The following MTSS1 variants were observed in gnomAD, a reference collection of about 807,000 sequenced individuals.
The protein encoded by MTSS1 is MTSS I-BAR domain containing 1.
In MTSS1, 18 loss-of-function variants were observed where a neutral mutation model predicts 79.0. The ratio of observed to expected loss-of-function variants is 0.23; its 90% CI spans 0.16 to 0.34. The LOEUF is 0.34. Ranked by LOEUF, MTSS1 falls within the 10% of genes least tolerant of loss-of-function variation. MTSS1 has a pLI of 1.00. For missense variants in MTSS1, 815 were observed against 986.2 expected (o/e 0.83, Z 2.33); for synonymous variants, 341 against 368.6 (o/e 0.93, Z 0.86).
At chr8:124,661,433 AT>A (rs1370069967) in intron 3 of MTSS1, among the ~76,000 whole-genome samples, 3 of 152,026 alleles carry the variant, frequency 2.0e-5, no homozygotes, top group African/African-American at 7.3e-5. Flanking sequence ...TGTTTTTCTG[AT>A]GAAAACATGA....
intron 10 of MTSS1, chr8:124,558,658 C>T (rs1824557977): frequency 1.4e-6 from 2 of 1,475,878 alleles, no homozygotes; most frequent in South Asian, 1.3e-5. Flanking sequence ...GTCTGAGCAG[C>T]AGGCAGGGGG....
At chr8:124,625,152 C>T (rs749047488) in intron 3 of MTSS1, among the ~76,000 whole-genome samples, 56 of 152,248 alleles carry the variant, frequency 3.7e-4, no homozygotes, top group Non-Finnish European at 5.9e-5. Context: ...TTGTCATCCT[C>T]GTCTGCCAGG....
chr8:124,677,933 T>C (rs1162403944), intron 3 of MTSS1, among the ~76,000 whole-genome samples: 1 of 152,214 alleles, frequency 6.6e-6, no homozygotes, highest in Non-Finnish European at 1.5e-5. Flanking sequence ...GCATAGTTAC[T>C]CCTATTTTCT....
At chr8:124,672,059 G>A (rs1242552410) in intron 3 of MTSS1, among the ~76,000 whole-genome samples, 2 of 152,206 alleles carry the variant, frequency 1.3e-5, no homozygotes, top group African/African-American at 4.8e-5. Context: ...ATATCAGTTG[G>A]AATGCAGCTT....
At chr8:124,558,799 C>G in intron 10 of MTSS1, 1 of 1,573,706 alleles carries the variant, frequency 6.4e-7, no homozygotes, top group Non-Finnish European at 8.6e-7. Flanking sequence ...TGGCAGGTTT[C>G]CGAGGCTTCG....
chr8:124,644,103 T>C (rs1055226287), intron 3 of MTSS1, among the ~76,000 whole-genome samples: 6 of 152,170 alleles, frequency 3.9e-5, no homozygotes, highest in Admixed American at 3.3e-4. Context: ...TGAGTTACAT[T>C]AAGCCTGTGG....
intron 3 of MTSS1, among the ~76,000 whole-genome samples, chr8:124,661,460 T>A (rs1822015163): frequency 6.6e-6 from 1 of 152,146 alleles, no homozygotes; most frequent in South Asian, 2.1e-4. Flanking sequence ...GCACTAGCTC[T>A]TAGAAACAGA....
intron 3 of MTSS1, among the ~76,000 whole-genome samples, chr8:124,676,517 C>G (rs1825316475): frequency 6.6e-6 from 1 of 152,204 alleles, no homozygotes; most frequent in Non-Finnish European, 1.5e-5. Context: ...ACCTGGCCAG[C>G]CTTCTGCTGC....
intron 3 of MTSS1, among the ~76,000 whole-genome samples, chr8:124,640,282 G>A (rs1388907076): frequency 1.3e-5 from 2 of 152,156 alleles, no homozygotes; most frequent in Non-Finnish European, 2.9e-5. Context: ...ATGGTTGTTC[G>A]ATTATTTTAA....
intron 5 of MTSS1, 94 bp downstream of exon 5, chr8:124,589,526 C>G: frequency 2.1e-6 from 2 of 953,414 alleles, no homozygotes; most frequent in Non-Finnish European, 3.2e-6. Flanking sequence ...TTTGGTGACA[C>G]CAATAAACCT....
intron 3 of MTSS1, among the ~76,000 whole-genome samples, chr8:124,605,158 G>A (rs1299996192): frequency 2.0e-5 from 3 of 152,126 alleles, no homozygotes; most frequent in African/African-American, 4.8e-5. Flanking sequence ...CTGTCTCCCC[G>A]ACATCTGCCA....
At position 124,634,059 on chromosome 8, in the gene MTSS1, C is replaced by T. The variant is rs561065183; in HGVS notation, c.209-42824G>A. ...CCACTCTAGGTGGCTTCCTTTGAGA[C>T]CAGTAGGAAGGATAAAATATAGACC... On this transcript the variant is annotated intron_variant, in intron 3 of 13. Transcript: ENST00000518547. Among the ~76,000 whole-genome samples the T allele has an allele frequency of 4.6e-5, 7 of 151,778 alleles. No homozygotes were observed. In the East Asian group the frequency reaches 1.2e-3, roughly 25 times the overall value.
chr8:124,675,450 C>T (rs980966716), intron 3 of MTSS1, among the ~76,000 whole-genome samples: 1 of 152,162 alleles, frequency 6.6e-6, no homozygotes, highest in Non-Finnish European at 1.5e-5. Context: ...TAGGGTGTAC[C>T]ATATATAGTG....
At chr8:124,692,029 AT>A (rs540850674) in intron 3 of MTSS1, among the ~76,000 whole-genome samples, 324 of 136,300 alleles carry the variant, frequency 2.4e-3, no homozygotes, top group Middle Eastern at 3.9e-3. Context: ...AATTACCCTG[AT>A]TTTTTTTTTT....
At chr8:124,611,693 G>T (rs1290944174) in intron 3 of MTSS1, among the ~76,000 whole-genome samples, 1 of 152,096 alleles carries the variant, frequency 6.6e-6, no homozygotes, top group Non-Finnish European at 1.5e-5. Flanking sequence ...AAGCTTAATG[G>T]CCCATTTCAT....
intron 3 of MTSS1, among the ~76,000 whole-genome samples, chr8:124,676,169 G>A (rs191972442): frequency 6.6e-6 from 1 of 152,172 alleles, no homozygotes; most frequent in African/African-American, 2.4e-5. Context: ...AAAAGGTATT[G>A]ATTAATAATT....
At chr8:124,617,619 A>C (rs6989466) in intron 3 of MTSS1, among the ~76,000 whole-genome samples, 47,630 of 151,880 alleles carry the variant, frequency 0.31, 10,280 homozygotes, top group African/African-American at 0.61. Context: ...GGTGCAGGGG[A>C]TCTCCACAGA....
intron 3 of MTSS1, among the ~76,000 whole-genome samples, chr8:124,642,580 GT>G (rs1818253518): frequency 6.6e-6 from 1 of 151,962 alleles, no homozygotes; most frequent in Non-Finnish European, 1.5e-5. Flanking sequence ...TTTCTTCTGG[GT>G]TTTTTCTTTT....
At chr8:124,623,529 C>T (rs867907117) in intron 3 of MTSS1, among the ~76,000 whole-genome samples, 1 of 152,142 alleles carries the variant, frequency 6.6e-6, no homozygotes, top group Non-Finnish European at 1.5e-5. Flanking sequence ...CACAAATTGG[C>T]CCAAAAGAGA....
Sources: allele counts gnomAD v4.1 joint callset (sites outside exome capture counted in the v4.1 genomes callset), GRCh38; gene constraint gnomAD v4.1.1; transcripts MANE v1.5; gene names NCBI Gene and HGNC (gene_info 2026-07-23, HGNC 2026-07-21).